BNIP5: variants seen among roughly 807,000 people sequenced by gnomAD.
The protein encoded by BNIP5 is BCL2 interacting protein 5.
Under a neutral mutation model 67.3 loss-of-function variants are expected in BNIP5, and 61 were observed. The ratio of observed to expected loss-of-function variants is 0.91; its 90% CI spans 0.74 to 1.12. The LOEUF is 1.12. BNIP5 is among the 50% of genes most tolerant of loss of function. The pLI, the probability that BNIP5 is intolerant of heterozygous loss-of-function variation, is 0.00. For synonymous variants in BNIP5, 317 were observed against 319.0 expected (o/e 0.99, Z 0.07); for missense variants, 826 against 816.3 (o/e 1.01, Z -0.14).
At chr6:36,334,082 C>G (rs968742794) in intron 1 of BNIP5, among the ~76,000 whole-genome samples, 2 of 152,234 alleles carry the variant, frequency 1.3e-5, no homozygotes, top group Non-Finnish European at 2.9e-5. Flanking sequence ...TTCGCCATTG[C>G]CAATGGCAGC....
At position 36,319,601 on chromosome 6, in the gene BNIP5, G is replaced by T; in HGVS notation, c.1678C>A (p.His560Asn). The change falls in exon 11 of 12, where the codon CAC becomes AAC. Residue 560 changes from histidine to asparagine, a missense_variant. Coordinates refer to ENST00000437635, the MANE Select transcript of BNIP5 (RefSeq NM_001010903.5). ...DGQLGQQIRR[H>N]PSFKRFFYEF... ...TAAAAAAACCTCTTAAAGCTGGGGT[G>T]GCGCCTGATCTGGAAGTGGAAATGA... 1 of 1,610,748 alleles carries T rather than the reference G, an allele frequency of 6.2e-7. No individual in the cohort carries two copies. The highest frequency in any genetic ancestry group is 8.5e-7 in the Non-Finnish European group (1 of 1,177,276).
intron 1 of BNIP5, among the ~76,000 whole-genome samples, chr6:36,335,070 C>T (rs531048876): frequency 6.6e-6 from 1 of 152,314 alleles, no homozygotes; most frequent in East Asian, 1.9e-4. Context: ...GTGACATTTA[C>T]CGGTGACATG....
In BNIP5 at chr6:36,330,237, T is replaced by C. The variant is rs533289489; in HGVS notation, c.454A>G (p.Lys152Glu). The change falls in exon 2 of 12, where the codon AAG (lysine) becomes GAG (glutamate). Residue 152 changes from lysine to glutamate, a missense_variant. Coordinates refer to ENST00000437635, the MANE Select transcript of BNIP5 (RefSeq NM_001010903.5). ...PALRKKAHHD[K>E]KPSRKKQGHK... ...CCTTGCTTCTTGCGGCTGGGCTTCTTGTCGTGGTGGGCTTTCTTCCTGAGG... is the reference window on the plus strand; with the variant it reads ...CCTTGCTTCTTGCGGCTGGGCTTCTCGTCGTGGTGGGCTTTCTTCCTGAGG... The C allele has an allele frequency of 3.7e-6, 6 of 1,614,148 alleles. No individual in the cohort carries two copies. The South Asian group carries it at 6.6e-5, about 18-fold the overall frequency.
At chr6:36,324,229 CG>C (rs749612412) in intron 6 of BNIP5, 39 bp from the exon 7 acceptor site, 30 of 1,568,558 alleles carry the variant, frequency 1.9e-5, no homozygotes, top group Non-Finnish European at 2.6e-5. Flanking sequence ...TTTGGTGCTA[CG>C]AAATCTCTTC....
intron 5 of BNIP5, 134 bp downstream of exon 5, chr6:36,326,376 C>A: frequency 6.3e-6 from 7 of 1,114,504 alleles, no homozygotes; most frequent in Non-Finnish European, 8.8e-6. Flanking sequence ...GTCATCCTCA[C>A]ACCACTCAGG....
Position 36,330,115 on chromosome 6 carries a change from G to A in BNIP5, c.576C>T (p.Arg192=), listed in dbSNP as rs371125910. The A allele has an allele frequency of 6.2e-7, 1 of 1,610,656 alleles. No homozygotes were observed. Among genetic ancestry groups the A allele is most frequent in the Non-Finnish European group, 8.5e-7 (1 of 1,179,852 alleles). The change falls in exon 2 of 12, where the codon CGC becomes CGT. Residue 192 remains arginine, a synonymous_variant. Transcript: ENST00000437635. The part of the protein sequence containing the change: ...EGLSKAAAAL[R]SGEADLGPAR... ...CTGGGCCCAGGTCAGCCTCCCCGGA[G>A]CGCAAGGCAGCAGCTGCCTTGGACA...
chr6:36,319,879 G>A (rs902955350), intron 10 of BNIP5, among the ~76,000 whole-genome samples: 3 of 152,120 alleles, frequency 2.0e-5, no homozygotes, highest in Non-Finnish European at 4.4e-5. Context: ...GAGTCTTCTC[G>A]TCTACCCTAG....
intron 2 of BNIP5, among the ~76,000 whole-genome samples, chr6:36,329,100 G>A (rs1771828298): frequency 6.6e-6 from 1 of 152,154 alleles, no homozygotes; most frequent in Non-Finnish European, 1.5e-5. Flanking sequence ...TACATGTGGG[G>A]AATCAAAAGT....
At chr6:36,320,967 C>T (rs1324230127) in intron 10 of BNIP5, among the ~76,000 whole-genome samples, 188 bp downstream of exon 10, 6 of 152,306 alleles carry the variant, frequency 3.9e-5, no homozygotes, top group Admixed American at 2.6e-4. Context: ...ACATGTCTGG[C>T]GTTTTCTACA....
chr6:36,325,312 T>G lies in BNIP5; in HGVS notation c.1139A>C (p.Glu380Ala), dbSNP rs777456285. ...TTCCGAGGCTCTGTCCAGCGGAAGCTCCTCTCCAGGTTCCTGGCTCTCTGA... is the reference window on the plus strand; with the variant it reads ...TTCCGAGGCTCTGTCCAGCGGAAGCGCCTCTCCAGGTTCCTGGCTCTCTGA... ...TPSESQEPGEELPLDRASEYK... is the reference protein window; with the variant it reads ...TPSESQEPGEALPLDRASEYK... The change falls in exon 6 of 12, where the codon GAG becomes GCG. Residue 380 changes from glutamate to alanine, a missense_variant. Physicochemically the swap from Glu to Ala is moderately radical, Grantham distance 107 (BLOSUM62 -1). Coordinates refer to ENST00000437635, the MANE Select transcript of BNIP5 (RefSeq NM_001010903.5). The G allele has an allele frequency of 1.3e-5, 21 of 1,613,986 alleles. No individual in the cohort carries two copies. The highest frequency in any genetic ancestry group is 1.7e-5 in the Non-Finnish European group (20 of 1,180,014).
Position 36,317,112 on chromosome 6 carries a change from C to T in BNIP5, c.*244G>A. The stretch of plus-strand genomic sequence containing the variant: ...GGGGTAGGTTCAGCAGGTAGAGCCC[C>T]AGTCTTCCTCATTCCCAGTCCAGTG... On this transcript the variant is annotated 3_prime_UTR_variant, in exon 12 of 12. Transcript: ENST00000437635. 1 of 582,450 alleles carries T rather than the reference C, an allele frequency of 1.7e-6. No individual in the cohort carries two copies. Among genetic ancestry groups the T allele is most frequent in the South Asian group, 2.2e-5 (1 of 46,252 alleles). 36.1% of individuals were successfully genotyped at this position (582,450 alleles called of 1,614,324 possible).
At chr6:36,317,490 C>A (rs1247128929) in intron 11 of BNIP5, 99 bp from the exon 12 acceptor site, 13 of 1,001,700 alleles carry the variant, frequency 1.3e-5, no homozygotes, top group Non-Finnish European at 1.8e-5. Flanking sequence ...TGACACCCCA[C>A]CCCAGCCTCC....
intron 3 of BNIP5, 63 bp downstream of exon 3, chr6:36,328,535 C>T (rs948983172): frequency 1.7e-5 from 16 of 953,312 alleles, no homozygotes; most frequent in African/African-American, 1.6e-4. Context: ...CAGAACAATC[C>T]GTCTCATTCA....
chr6:36,336,047 T>C (rs1772010797), intron 1 of BNIP5, among the ~76,000 whole-genome samples: 1 of 152,042 alleles, frequency 6.6e-6, no homozygotes, highest in Non-Finnish European at 1.5e-5. Flanking sequence ...CCCCATTCTG[T>C]CCTCTATCCA....
intron 7 of BNIP5, 118 bp from the exon 8 acceptor site, chr6:36,323,651 T>C: frequency 1.8e-6 from 2 of 1,140,568 alleles, no homozygotes; most frequent in East Asian, 4.7e-5. Context: ...GAGTGGTTGA[T>C]GCTCAGTGCT....
At position 36,316,890 on chromosome 6, in the gene BNIP5, G is replaced by T; in HGVS notation, c.*466C>A. On this transcript the variant is annotated 3_prime_UTR_variant, in exon 12 of 12. Transcript: ENST00000437635. The stretch of plus-strand genomic sequence containing the variant: ...AGAACTACTGGTCAACTGAAGAAAT[G>T]ATGGGATACACTTCGATGCATATCT... 2.5e-6 allele frequency: 1 copy of T among 402,206 alleles called. No homozygotes were observed. Among genetic ancestry groups the T allele is most frequent in the Non-Finnish European group, 4.4e-6 (1 of 228,228 alleles). The allele number at this position is 402,206 out of a possible 1,614,324, so 24.9% of individuals were successfully genotyped here. A position where few individuals can be genotyped will look rare whatever the true frequency, so the allele number is the denominator to read the frequency against.
intron 1 of BNIP5, among the ~76,000 whole-genome samples, chr6:36,335,793 C>T (rs975726668): frequency 1.8e-4 from 27 of 152,186 alleles, no homozygotes; most frequent in African/African-American, 6.0e-4. Context: ...GTCACATAGC[C>T]GGGAAGCAGA....
In BNIP5 at chr6:36,335,082, C is replaced by T. The variant is rs141503273; in HGVS notation, c.-5+1630G>A. On this transcript the variant is annotated intron_variant, in intron 1 of 11. Coordinates refer to ENST00000437635, the MANE Select transcript of BNIP5 (RefSeq NM_001010903.5). ...GATGTGACATTTACCGGTGACATGT[C>T]CAGCAACAGCAACAAAGAACCAGAG... Among the ~76,000 whole-genome samples the T allele has an allele frequency of 1.1e-4, 16 of 152,256 alleles. 2 individuals carry two copies. The East Asian group carries it at 3.1e-3, about 29-fold the overall frequency.
intron 1 of BNIP5, among the ~76,000 whole-genome samples, chr6:36,335,062 G>A (rs1357701481): frequency 6.6e-6 from 1 of 152,184 alleles, no homozygotes; most frequent in East Asian, 1.9e-4. Flanking sequence ...GATAAGATGT[G>A]ACATTTACCG....
Sources: gnomAD v4.1 joint callset for allele counts (sites outside exome capture counted in the v4.1 genomes callset) on GRCh38, gnomAD v4.1.1 for gene constraint, MANE v1.5 for transcripts, NCBI Gene and HGNC (gene_info 2026-07-23, HGNC 2026-07-21) for gene names.